Variants in PASK observed in about 807,000 individuals in gnomAD.
The protein encoded by PASK is PAS domain containing serine/threonine kinase.
Under a neutral mutation model 121.0 loss-of-function variants are expected in PASK, and 110 were observed. That is an observed-to-expected ratio of 0.91 (90% CI 0.78 to 1.06). The LOEUF (loss-of-function observed/expected upper bound fraction) is 1.06, where lower values mean the gene tolerates loss of function less well. Among genes scored for constraint, PASK ranks in the 50% least tolerant of loss-of-function variants. The pLI is 0.00. For missense variants in PASK, 1,643 were observed against 1,702.3 expected, an observed-to-expected ratio of 0.97 and a Z score of 0.61; for synonymous variants, 686 against 717.8, an observed-to-expected ratio of 0.96 and a Z score of 0.71.
At chr2:241,123,172 TTC>T (rs1248194149) in intron 11 of PASK, among the ~76,000 whole-genome samples, 5 of 136,678 alleles carry the variant, frequency 3.7e-5, no homozygotes, top group South Asian at 2.2e-4. Flanking sequence ...TTAAAGTGGC[TTC>T]TTTTTTTTTT....
At chr2:241,133,140 G>C in intron 8 of PASK, 110 bp from the exon 9 acceptor site, 3 of 1,120,932 alleles carry the variant, frequency 2.7e-6, no homozygotes, top group Non-Finnish European at 4.0e-6. Flanking sequence ...GACCAGCATC[G>C]ACCACCTCTC....
In PASK at chr2:241,126,372, G is replaced by C; in HGVS notation, c.2543C>G (p.Pro848Arg). 3 of 1,614,248 alleles carry C rather than the reference G, an allele frequency of 1.9e-6. No individual in the cohort carries two copies. Among genetic ancestry groups the C allele is most frequent in the Non-Finnish European group, 2.5e-6 (3 of 1,180,044 alleles). ...ASDRESPGHV[P>R]STLDAGPEDT... ...CTCAGGGCCAGCATCCAACGTGGAA[G>C]GAACGTGTCCTGGGCTTTCTCTGTC... The change falls in exon 10 of 18, where the codon CCT becomes CGT. Residue 848 changes from proline (P) to arginine (R), a missense_variant. Around this residue, in one of 3 missense-constraint regions of PASK, gnomAD observed 1,176 missense variants for 1,162.2 expected, o/e 1.01. Coordinates refer to ENST00000234040, the MANE Select transcript of PASK (RefSeq NM_015148.4).
chr2:241,147,036 T>C (rs773798869), intron 1 of PASK, among the ~76,000 whole-genome samples: 1 of 152,208 alleles, frequency 6.6e-6, no homozygotes, highest in Non-Finnish European at 1.5e-5. Context: ...AGTGTGCAGC[T>C]TTCCTACAAG....
chr2:241,110,633 C>T (rs776632493), intron 15 of PASK, among the ~76,000 whole-genome samples: 6 of 152,180 alleles, frequency 3.9e-5, no homozygotes, highest in Non-Finnish European at 8.8e-5. Flanking sequence ...ACTGAGCTCT[C>T]GCCCAGGTTG....
intron 2 of PASK, 104 bp downstream of exon 2, chr2:241,142,733 T>C (rs566654021): frequency 1.0e-4 from 93 of 900,802 alleles, no homozygotes; most frequent in Admixed American, 6.1e-4. Context: ...TCTGCAGGAA[T>C]AGAGTGACTT....
intron 1 of PASK, among the ~76,000 whole-genome samples, chr2:241,145,329 A>G (rs1438552172): frequency 1.3e-5 from 2 of 152,120 alleles, no homozygotes; most frequent in Admixed American, 6.5e-5. Flanking sequence ...TCAAAACACT[A>G]AACTTTTTAG....
chr2:241,144,451 C>T (rs1053194645), intron 1 of PASK, among the ~76,000 whole-genome samples: 5 of 152,148 alleles, frequency 3.3e-5, no homozygotes, highest in Admixed American at 6.5e-5. Context: ...GTTTCCCCCA[C>T]GAAATGAGGA....
At chr2:241,148,458 C>G (rs1212216421) in intron 1 of PASK, among the ~76,000 whole-genome samples, 3 of 152,144 alleles carry the variant, frequency 2.0e-5, no homozygotes, top group African/African-American at 7.2e-5. Context: ...GGAGGAGGCA[C>G]CTGCAGAGCC....
intron 9 of PASK, among the ~76,000 whole-genome samples, chr2:241,132,597 C>T (rs999184868): frequency 6.8e-6 from 1 of 148,136 alleles, no homozygotes; most frequent in Admixed American, 6.7e-5. Context: ...CTGAAATCTA[C>T]CTCAACATTC....
At chr2:241,113,704 C>G (rs182031918) in intron 14 of PASK, 2 of 984,790 alleles carry the variant, frequency 2.0e-6, no homozygotes, top group African/African-American at 3.5e-5. Context: ...GGCTAAAGAG[C>G]GACTTGAAGA....
At chr2:241,143,146 T>C in intron 1 of PASK, 72 bp from the exon 2 acceptor site, 1 of 799,656 alleles carries the variant, frequency 1.3e-6, no homozygotes, top group South Asian at 1.4e-5. Context: ...AACTAATTTA[T>C]AATGCTGAGT....
At chr2:241,120,291 G>A (rs753428357) in intron 12 of PASK, among the ~76,000 whole-genome samples, 72 of 152,022 alleles carry the variant, frequency 4.7e-4, no homozygotes, top group Admixed American at 3.2e-3. Flanking sequence ...TCAGGAGTTC[G>A]AGACCAGCCT....
chr2:241,149,573 C>G (rs933822551), upstream of PASK: 19 of 1,389,144 alleles, frequency 1.4e-5, no homozygotes, highest in Non-Finnish European at 1.9e-5. Flanking sequence ...TAGCCAGAGT[C>G]TAGAAGCCCG....
At position 241,137,215 on chromosome 2, in the gene PASK, A is replaced by C; in HGVS notation, c.926T>G (p.Phe309Cys). The C allele has an allele frequency of 6.2e-7, 1 of 1,612,486 alleles. No homozygotes were observed. Among genetic ancestry groups the C allele is most frequent in the Non-Finnish European group, 8.5e-7 (1 of 1,178,562 alleles). ...GGATTTCAGCTTTAAGCTCAGAGGG[A>C]AGGTGGTACCGTCCCTGGCTCTTCC... ...SVGRARDGTT[F>C]PLSLKLKSQP... The change falls in exon 7 of 18, where the codon TTC becomes TGC. Residue 309 changes from phenylalanine to cysteine, a missense_variant. Around this residue, in one of 3 missense-constraint regions of PASK, gnomAD observed 1,176 missense variants for 1,162.2 expected, o/e 1.01. Coordinates refer to ENST00000234040, the MANE Select transcript of PASK (RefSeq NM_015148.4).
intron 1 of PASK, 49 bp from the exon 2 acceptor site, chr2:241,143,123 A>C (rs563576912): frequency 1.3e-4 from 125 of 984,690 alleles, no homozygotes; most frequent in Non-Finnish European, 1.8e-4. Context: ...AAAAACACAA[A>C]GACAGTTTAA....
intron 11 of PASK, among the ~76,000 whole-genome samples, chr2:241,123,325 A>G (rs893828500): frequency 1.3e-5 from 2 of 151,722 alleles, no homozygotes; most frequent in African/African-American, 4.8e-5. Context: ...ACAGGCGCCC[A>G]CCACTATGCC....
chr2:241,137,323 T>A (rs1274112858), intron 6 of PASK, 59 bp from the exon 7 acceptor site: 22 of 1,471,030 alleles, frequency 1.5e-5, no homozygotes, highest in Non-Finnish European at 2.0e-5. Flanking sequence ...GAGCACTGAG[T>A]CTGTGCTGCG....
Position 241,127,330 on chromosome 2 carries a change from G to T in PASK, c.1585C>A (p.Leu529Ile). ...PVAIESPGQD[L>I]LGESRSEPVD... The stretch of plus-strand genomic sequence containing the variant: ...GGTTCAGACCTGCTTTCTCCCAGAA[G>T]ATCCTGTCCGGGGCTCTCTATTGCC... Residue 529 changes from leucine to isoleucine, a missense_variant, in exon 10 of 18, where the codon CTT (leucine) becomes ATT (isoleucine). Leu to Ile is a conservative substitution (Grantham distance 5). This residue lies in a region of PASK where 1,176 missense variants were observed against 1,162.2 expected (regional missense o/e 1.01). Transcript: ENST00000234040. 1 of 1,614,216 alleles carries T rather than the reference G, an allele frequency of 6.2e-7. No individual in the cohort carries two copies. Among genetic ancestry groups the T allele is most frequent in the South Asian group, 1.1e-5 (1 of 91,084 alleles).
chr2:241,114,622 T>G (rs1365186246), intron 14 of PASK: 1 of 1,084,998 alleles, frequency 9.2e-7, no homozygotes, highest in Admixed American at 4.7e-5. Context: ...AATGTCAGGA[T>G]CTCAGTTTTG....
Sources: allele counts gnomAD v4.1 joint callset (sites outside exome capture counted in the v4.1 genomes callset), GRCh38; gene constraint gnomAD v4.1.1; regional missense constraint gnomAD v4.1.1; transcripts MANE v1.5; gene names NCBI Gene and HGNC (gene_info 2026-07-23, HGNC 2026-07-21).